The following FAM219A variants were observed in gnomAD, a reference collection of about 807,000 sequenced individuals.
FAM219A encodes the protein protein FAM219A.
Under a neutral mutation model 23.4 loss-of-function variants are expected in FAM219A, and 7 were observed. The ratio of observed to expected loss-of-function variants is 0.30; its 90% CI spans 0.17 to 0.56. FAM219A has a LOEUF of 0.56. Among genes scored for constraint, FAM219A ranks in the 20% least tolerant of loss-of-function variants. The pLI is 0.92. For missense variants in FAM219A, 166 were observed against 246.9 expected (o/e 0.67, Z 2.20); for synonymous variants, 93 against 99.0 (o/e 0.94, Z 0.36).
At chr9:34,403,930 C>A (rs986527034) in intron 2 of FAM219A, among the ~76,000 whole-genome samples, 6 of 152,172 alleles carry the variant, frequency 3.9e-5, no homozygotes, top group Admixed American at 2.0e-4. Flanking sequence ...CAGCTTTTTC[C>A]CAGCTTCTTT....
At chr9:34,429,234 T>C (rs938414052) in intron 1 of FAM219A, among the ~76,000 whole-genome samples, 17 of 152,242 alleles carry the variant, frequency 1.1e-4, no homozygotes, top group African/African-American at 3.9e-4. Context: ...CTTTGAGGTA[T>C]AATGCATGCC....
At chr9:34,422,036 G>A (rs1049840928) in intron 1 of FAM219A, among the ~76,000 whole-genome samples, 4 of 152,058 alleles carry the variant, frequency 2.6e-5, no homozygotes, top group Non-Finnish European at 5.9e-5. Flanking sequence ...ACCTTAACCT[G>A]GTTACATTCC....
At chr9:34,421,037 A>AGAGAGAGAGAGAGAGAGG (rs1371163688) in intron 1 of FAM219A, among the ~76,000 whole-genome samples, 1 of 149,910 alleles carries the variant, frequency 6.7e-6, no homozygotes, top group African/African-American at 2.5e-5. Flanking sequence ...AGAGAGAGAG[A>AGAGAGAGAGAGAGAGAGG]GAGAGAGAAT....
rs1821615344 is a variant in FAM219A at position 34,405,869 on chromosome 9, C to T, written c.156G>A (p.Lys52=). 1 of 1,614,028 alleles carries T rather than the reference C, an allele frequency of 6.2e-7. No individual in the cohort carries two copies. The highest frequency in any genetic ancestry group is 8.5e-7 in the Non-Finnish European group (1 of 1,179,938). The change falls in exon 2 of 6, where the codon AAG becomes AAA. Residue 52 remains lysine (K), a synonymous_variant. Coordinates refer to ENST00000651358, the MANE Select transcript of FAM219A (RefSeq NM_001184940.2). ...MNYKPSPLQV[K]LEKQRELARK... ...TCACCCCCCAGACACACTCACCCAG[C>T]TTCACTTGGAGCGGGGATGGTTTGT...
intron 1 of FAM219A, among the ~76,000 whole-genome samples, chr9:34,435,606 G>T (rs1822875091): frequency 6.6e-6 from 1 of 152,182 alleles, no homozygotes; most frequent in Admixed American, 6.5e-5. Context: ...CATGGAATCA[G>T]ATGATCCATC....
chr9:34,439,255 C>T (rs557085278), intron 1 of FAM219A, among the ~76,000 whole-genome samples: 14 of 152,342 alleles, frequency 9.2e-5, no homozygotes, highest in Admixed American at 9.1e-4. Flanking sequence ...CCCACCAATT[C>T]CGGACACACT....
Position 34,401,135 on chromosome 9 carries a change from G to T in FAM219A, c.400-13C>A. ...CTTGGTTGATCTGCTGTAGGCAAAG[G>T]GGAGGGAGGTCAGGCCCGAGCGGCA... On this transcript the variant is annotated splice_polypyrimidine_tract_variant and intron_variant, in intron 5 of 5. Transcript: ENST00000651358. 6.2e-7 allele frequency: 1 copy of T among 1,612,552 alleles called. No individual in the cohort carries two copies. Among genetic ancestry groups the T allele is most frequent in the Non-Finnish European group, 8.5e-7 (1 of 1,179,336 alleles).
intron 1 of FAM219A, chr9:34,406,422 T>G: frequency 3.0e-6 from 3 of 985,438 alleles, no homozygotes; most frequent in Non-Finnish European, 3.6e-6. Context: ...TGTTTCCCTG[T>G]GCTGGACAGG....
intron 1 of FAM219A, among the ~76,000 whole-genome samples, chr9:34,421,786 G>A (rs985946033): frequency 2.0e-5 from 3 of 150,900 alleles, no homozygotes; most frequent in Non-Finnish European, 4.4e-5. Context: ...GAACCCATCT[G>A]TGCCCCTAGG....
chr9:34,439,101 G>A (rs1002926018), intron 1 of FAM219A, among the ~76,000 whole-genome samples: 6 of 152,072 alleles, frequency 3.9e-5, no homozygotes, highest in Non-Finnish European at 5.9e-5. Context: ...CTGAGCCAGC[G>A]AGACCACGAA....
At chr9:34,439,259 A>G (rs1372091164) in intron 1 of FAM219A, among the ~76,000 whole-genome samples, 1 of 152,236 alleles carries the variant, frequency 6.6e-6, no homozygotes. Flanking sequence ...CCAATTCCGG[A>G]CACACTTCTA....
At chr9:34,433,504 TAA>T (rs1454931217) in intron 1 of FAM219A, among the ~76,000 whole-genome samples, 1 of 152,242 alleles carries the variant, frequency 6.6e-6, no homozygotes, top group Non-Finnish European at 1.5e-5. Flanking sequence ...ATATTACTGT[TAA>T]AAGACTCTTC....
chr9:34,404,287 A>C (rs575486985), intron 2 of FAM219A, among the ~76,000 whole-genome samples: 196 of 152,342 alleles, frequency 1.3e-3, no homozygotes, highest in African/African-American at 4.4e-3. Flanking sequence ...ATATGATACC[A>C]CTTATGTTAA....
rs765692931 is a variant in FAM219A at position 34,402,713 on chromosome 9, G to C, written c.255C>G (p.Ala85=). Residue 85 remains alanine, a synonymous_variant, in exon 3 of 6, where the codon GCC becomes GCG. Coordinates refer to ENST00000651358, the MANE Select transcript of FAM219A (RefSeq NM_001184940.2). The stretch of plus-strand genomic sequence containing the variant: ...GTAGGGAGGGCCTCTACCTTGTTCG[G>C]GCCATGACATTGTTCTTCTTGGGTT... ...NQQPKKNNVM[A]RTRLVVPNKG... The C allele has an allele frequency of 1.9e-6, 3 of 1,614,118 alleles. No individual in the cohort carries two copies. In the Admixed American group the frequency reaches 5.0e-5, roughly 27 times the overall value.
intron 1 of FAM219A, among the ~76,000 whole-genome samples, chr9:34,410,765 G>A (rs1821794720): frequency 6.6e-6 from 1 of 152,156 alleles, no homozygotes; most frequent in South Asian, 2.1e-4. Context: ...AAGAAAGATT[G>A]TAATGGTTAA....
At chr9:34,455,622 A>C (rs1021720832) in intron 1 of FAM219A, among the ~76,000 whole-genome samples, 2 of 152,078 alleles carry the variant, frequency 1.3e-5, no homozygotes, top group Non-Finnish European at 2.9e-5. Flanking sequence ...ATGCAGCACC[A>C]TGCTGAGCTA....
At position 34,398,794 on chromosome 9, in the gene FAM219A, G is replaced by A. The variant is rs1821316426; in HGVS notation, c.*2170C>T. Reference sequence around the variant, plus strand: ...CTGGGGTCCAGATGATGGGGGCACAGGGGTTGGGGGGATGTTGATCTGGGT... The same window carrying A: ...CTGGGGTCCAGATGATGGGGGCACAAGGGTTGGGGGGATGTTGATCTGGGT... On this transcript the variant is annotated 3_prime_UTR_variant, in exon 6 of 6. Coordinates refer to ENST00000651358, the MANE Select transcript of FAM219A (RefSeq NM_001184940.2). 4.8e-6 allele frequency: 1 copy of A among 208,104 alleles called. No homozygotes were observed. Among genetic ancestry groups the A allele is most frequent in the Non-Finnish European group, 9.9e-6 (1 of 100,776 alleles). The allele number at this position is 208,104 out of a possible 1,614,324, so 12.9% of individuals were successfully genotyped here.
At chr9:34,445,212 T>C (rs1338959518) in intron 1 of FAM219A, among the ~76,000 whole-genome samples, 1 of 152,220 alleles carries the variant, frequency 6.6e-6, no homozygotes, top group African/African-American at 2.4e-5. Context: ...GCCAGCTGTA[T>C]TCTTCTGTAG....
intron 2 of FAM219A, among the ~76,000 whole-genome samples, chr9:34,404,433 T>A (rs1338384567): frequency 6.6e-6 from 1 of 152,166 alleles, no homozygotes; most frequent in African/African-American, 2.4e-5. Flanking sequence ...ATAGGCTGGG[T>A]ATGGTGGCTC....
Sources: allele counts gnomAD v4.1 joint callset (sites outside exome capture counted in the v4.1 genomes callset), GRCh38; gene constraint gnomAD v4.1.1; transcripts MANE v1.5; gene names NCBI Gene and HGNC (gene_info 2026-07-23, HGNC 2026-07-21).